The following EYS variants were observed in gnomAD, a reference collection of about 807,000 sequenced individuals.
EYS encodes protein eyes shut homolog.
EYS carries 250 observed loss-of-function variants against 282.1 expected under a neutral mutation model. The observed-to-expected ratio is 0.89, with a 90% CI of 0.80 to 0.98. The LOEUF (loss-of-function observed/expected upper bound fraction) is 0.98, where lower values mean the gene tolerates loss of function less well. EYS is among the 50% of genes least tolerant of loss of function. The pLI is 0.00. For missense variants in EYS, 4,016 were observed against 3,709.0 expected, an observed-to-expected ratio of 1.08 and a Z score of -2.15; for synonymous variants, 1,355 against 1,282.9, an observed-to-expected ratio of 1.06 and a Z score of -1.20.
intron 2 of EYS, among the ~76,000 whole-genome samples, chr6:65,546,364 T>A (rs941786376): frequency 6.6e-6 from 1 of 151,766 alleles, no homozygotes; most frequent in Non-Finnish European, 1.5e-5. Flanking sequence ...GGTCATTAAT[T>A]ACATTGAAAA....
At chr6:63,978,816 A>G (rs1766961286) in intron 35 of EYS, among the ~76,000 whole-genome samples, 2 of 151,294 alleles carry the variant, frequency 1.3e-5, no homozygotes. Context: ...GAAGTGCTAA[A>G]TGAGTTGGAA....
chr6:64,658,261 T>A lies in EYS; in HGVS notation c.3444-32016A>T, dbSNP rs986380816. On this transcript the variant is annotated intron_variant, in intron 22 of 42. Coordinates refer to ENST00000503581, the MANE Select transcript of EYS (RefSeq NM_001142800.2). The stretch of plus-strand genomic sequence containing the variant: ...ATTCTAGTTATCCGTTCGTCTAATT[T>A]TTTTTCAAGGTTTTTAACTTCTTTG... Among the ~76,000 whole-genome samples, 66 of 152,248 alleles carry A rather than the reference T, an allele frequency of 4.3e-4. 2 individuals carry two copies. Among genetic ancestry groups the A allele is most frequent in the African/African-American group, 1.5e-3 (63 of 41,542 alleles).
intron 2 of EYS, among the ~76,000 whole-genome samples, chr6:65,560,943 T>G (rs1769030298): frequency 6.6e-6 from 1 of 152,142 alleles, no homozygotes; most frequent in Non-Finnish European, 1.5e-5. Flanking sequence ...TGAAGATTTT[T>G]TTTTAAAGAC....
intron 30 of EYS, among the ~76,000 whole-genome samples, chr6:64,276,176 T>G (rs985589057): frequency 8.5e-5 from 13 of 152,166 alleles, no homozygotes; most frequent in African/African-American, 3.1e-4. Flanking sequence ...GATTGACAGT[T>G]TGATTACTAG....
intron 12 of EYS, among the ~76,000 whole-genome samples, chr6:65,122,236 G>A (rs1384469776): frequency 6.6e-6 from 1 of 152,050 alleles, no homozygotes; most frequent in Non-Finnish European, 1.5e-5. Context: ...AAAAAAGCAG[G>A]TTTTTCAAAT....
intron 12 of EYS, among the ~76,000 whole-genome samples, chr6:65,138,219 T>A (rs778768509): frequency 6.6e-6 from 1 of 152,114 alleles, no homozygotes; most frequent in East Asian, 1.9e-4. Context: ...ATATCATTAG[T>A]AATCACAGAA....
intron 36 of EYS, among the ~76,000 whole-genome samples, chr6:63,860,528 A>T (rs1227012395): frequency 1.3e-5 from 2 of 152,210 alleles, no homozygotes; most frequent in Non-Finnish European, 2.9e-5. Context: ...CAATTGTGAG[A>T]CTTTTTGTAT....
Position 64,778,076 on chromosome 6 carries a change from C to A in EYS, c.3443+35302G>T, listed in dbSNP as rs1010471122. ...GAAGTAATATGATAGTGATGAATAA[C>A]CCAAGGTTTCATTACTGCCAAGAAT... is the stretch of plus-strand genomic sequence containing the variant. On this transcript the variant is annotated intron_variant, in intron 22 of 42. Coordinates refer to ENST00000503581, the MANE Select transcript of EYS (RefSeq NM_001142800.2). Among the ~76,000 whole-genome samples, 13 of 152,006 alleles carry A rather than the reference C, an allele frequency of 8.6e-5. No individual in the cohort carries two copies. In the East Asian group the frequency reaches 9.6e-4, roughly 11 times the overall value.
intron 22 of EYS, among the ~76,000 whole-genome samples, chr6:64,790,470 A>G (rs1369940589): frequency 1.3e-5 from 2 of 151,966 alleles, no homozygotes; most frequent in African/African-American, 2.4e-5. Context: ...ACAATTAGCA[A>G]TCACCCGATA....
chr6:64,967,697 T>C (rs1770146016), intron 14 of EYS, among the ~76,000 whole-genome samples: 1 of 152,186 alleles, frequency 6.6e-6, no homozygotes, highest in African/African-American at 2.4e-5. Flanking sequence ...AACACTACTT[T>C]ACAAATCTGT....
intron 11 of EYS, among the ~76,000 whole-genome samples, chr6:65,310,006 T>C (rs1769112205): frequency 6.6e-6 from 1 of 152,190 alleles, no homozygotes; most frequent in Non-Finnish European, 1.5e-5. Flanking sequence ...ATCACAATAC[T>C]ATCTTGCTCC....
chr6:64,406,644 C>A (rs760672262), intron 28 of EYS, among the ~76,000 whole-genome samples: 1 of 152,054 alleles, frequency 6.6e-6, no homozygotes, highest in African/African-American at 2.4e-5. Context: ...AAAAAGTGAG[C>A]GAAGGATATG....
intron 26 of EYS, among the ~76,000 whole-genome samples, chr6:64,510,137 A>G (rs150403650): frequency 1.8e-3 from 277 of 152,294 alleles, no homozygotes; most frequent in African/African-American, 6.4e-3. Flanking sequence ...TAGATCTAAA[A>G]AAACACAAAA....
chr6:64,057,486 A>G (rs914364217), intron 33 of EYS, among the ~76,000 whole-genome samples: 2 of 152,144 alleles, frequency 1.3e-5, no homozygotes, highest in African/African-American at 2.4e-5. Context: ...ATTTTTCAAA[A>G]GCAAGGTTTA....
At chr6:64,302,002 C>A (rs78741283) in intron 30 of EYS, among the ~76,000 whole-genome samples, 4,543 of 152,314 alleles carry the variant, frequency 0.03, 112 homozygotes, top group South Asian at 0.079. Flanking sequence ...AACCTTGAGA[C>A]AGCGCTAATT....
chr6:65,445,131 T>C (rs1291682797), intron 5 of EYS, among the ~76,000 whole-genome samples: 1 of 151,976 alleles, frequency 6.6e-6, no homozygotes, highest in Non-Finnish European at 1.5e-5. Flanking sequence ...ATAGTTTTGA[T>C]TGTTAATGTT....
chr6:64,556,704 A>C (rs916084622), intron 26 of EYS, among the ~76,000 whole-genome samples: 1 of 152,006 alleles, frequency 6.6e-6, no homozygotes, highest in Non-Finnish European at 1.5e-5. Context: ...AGAACAAGGC[A>C]CTGAGGAACA....
chr6:64,452,807 T>G (rs528576755), intron 26 of EYS, among the ~76,000 whole-genome samples: 3 of 152,228 alleles, frequency 2.0e-5, no homozygotes, highest in African/African-American at 7.2e-5. Context: ...GCTAGCCATA[T>G]GTAGAAAGCT....
At chr6:64,286,196 A>G (rs1252115045) in intron 30 of EYS, among the ~76,000 whole-genome samples, 2 of 152,184 alleles carry the variant, frequency 1.3e-5, no homozygotes, top group African/African-American at 2.4e-5. Flanking sequence ...CCCTAAATGA[A>G]GACCTGGAGT....
Sources: gnomAD v4.1 joint callset for allele counts (sites outside exome capture counted in the v4.1 genomes callset) on GRCh38, gnomAD v4.1.1 for gene constraint, MANE v1.5 for transcripts, NCBI Gene and HGNC (gene_info 2026-07-23, HGNC 2026-07-21) for gene names.